The following PLB1 variants were observed in gnomAD, a reference collection of about 807,000 sequenced individuals.
The protein encoded by PLB1 is phospholipase B1, membrane-associated.
PLB1 carries 242 observed loss-of-function variants against 227.4 expected under a neutral mutation model. The observed-to-expected ratio is 1.06, with a 90% CI of 0.96 to 1.18. PLB1 has a LOEUF of 1.18. Among genes scored for constraint, PLB1 ranks in the 50% most tolerant of loss-of-function variants. The pLI is 0.00. For synonymous variants in PLB1, 757 were observed against 682.2 expected, an observed-to-expected ratio of 1.11 and a Z score of -1.71; for missense variants, 1,858 against 1,816.3, an observed-to-expected ratio of 1.02 and a Z score of -0.42.
Position 28,589,783 on chromosome 2 carries a change from G to T in PLB1, c.2016+13G>T, listed in dbSNP as rs779523724. 3 of 1,608,414 alleles carry T rather than the reference G, an allele frequency of 1.9e-6. No homozygotes were observed. The highest frequency in any genetic ancestry group is 1.7e-5 in the Admixed American group (1 of 60,016). The stretch of plus-strand genomic sequence containing the variant: ...CTGGAACAATATGGTAAGTGGCTGC[G>T]GTAGGAAAATGCATCCTCCCTCTGG... On this transcript the variant is annotated intron_variant, in intron 28 of 57. Coordinates refer to ENST00000327757, the MANE Select transcript of PLB1 (RefSeq NM_153021.5).
At chr2:28,628,471 A>C in intron 51 of PLB1, 92 bp from the exon 52 acceptor site, 2 of 1,177,420 alleles carry the variant, frequency 1.7e-6, no homozygotes. Context: ...CCACTCAGTC[A>C]TTTAGCCCAG....
intron 57 of PLB1, 144 bp downstream of exon 57, chr2:28,641,145 C>T (rs1689930399): frequency 2.7e-6 from 2 of 752,004 alleles, no homozygotes; most frequent in South Asian, 4.0e-5. Context: ...CCCACCTGTC[C>T]CCAGTGCCAC....
chr2:28,525,296 G>A lies in PLB1; in HGVS notation c.273G>A (p.Glu91=). 6.2e-7 allele frequency: 1 copy of A among 1,613,752 alleles called. No homozygotes were observed. Among genetic ancestry groups the A allele is most frequent in the Non-Finnish European group, 8.5e-7 (1 of 1,179,944 alleles). ...IPPDPGTGDL[E]KQDWTERPQQ... ...CAGACCCAGGGACGGGCGATCTGGA[G>A]AAGCAAGACTGGTAACTATCCTGAA... is the stretch of plus-strand genomic sequence containing the variant. The change falls in exon 5 of 58, where the codon GAG becomes GAA. Residue 91 remains glutamate, a synonymous_variant. Transcript: ENST00000327757.
At chr2:28,588,546 T>C (rs1411040804) in intron 26 of PLB1, among the ~76,000 whole-genome samples, 2 of 152,132 alleles carry the variant, frequency 1.3e-5, no homozygotes, top group African/African-American at 4.8e-5. Context: ...TATGTAAGCC[T>C]GACTTCCCTC....
intron 30 of PLB1, among the ~76,000 whole-genome samples, chr2:28,591,373 A>C (rs1339131444): frequency 2.0e-5 from 3 of 152,228 alleles, no homozygotes. Flanking sequence ...CAACCCAATC[A>C]CAGCTTCACT....
At chr2:28,640,311 CTCA>C (rs928435483) in intron 56 of PLB1, among the ~76,000 whole-genome samples, 8 of 152,260 alleles carry the variant, frequency 5.3e-5, no homozygotes, top group African/African-American at 1.7e-4. Context: ...CAGCTCCCAG[CTCA>C]TCCTCAGAGG....
chr2:28,537,181 C>A (rs940307961), intron 9 of PLB1, among the ~76,000 whole-genome samples: 4 of 152,126 alleles, frequency 2.6e-5, no homozygotes, highest in Non-Finnish European at 5.9e-5. Flanking sequence ...GGCAGAGAAA[C>A]AGGGACACTG....
intron 43 of PLB1, among the ~76,000 whole-genome samples, chr2:28,608,806 T>C (rs1685045028): frequency 1.3e-5 from 2 of 152,136 alleles, no homozygotes; most frequent in Non-Finnish European, 1.5e-5. Context: ...ATCGCCTTGA[T>C]TTTTCTGGTC....
chr2:28,556,881 T>A (rs552661844), intron 17 of PLB1, among the ~76,000 whole-genome samples: 1 of 152,352 alleles, frequency 6.6e-6, no homozygotes, highest in South Asian at 2.1e-4. Context: ...GTCCCTGATG[T>A]CATTGATTTG....
At chr2:28,527,334 CCAGCA>C (rs946452266) in intron 6 of PLB1, among the ~76,000 whole-genome samples, 1 of 152,168 alleles carries the variant, frequency 6.6e-6, no homozygotes, top group African/African-American at 2.4e-5. Flanking sequence ...AGGCCTTACT[CCAGCA>C]TACCCAATGG....
rs1377777946 is a variant in PLB1, at chr2:28,549,873, A to G, written c.1009-137A>G. ...TTCAGGGACCAGAGAGAAGAGCCAG[A>G]GAATGGTTTGGTCCTCACTGGAAGC... On this transcript the variant is annotated intron_variant, in intron 15 of 57. Transcript: ENST00000327757. The G allele has an allele frequency of 1.4e-5, 9 of 621,142 alleles. No individual in the cohort carries two copies. The East Asian group carries it at 2.6e-4, about 18-fold the overall frequency. 38.5% of individuals were successfully genotyped at this position (621,142 alleles called of 1,614,324 possible). A position where few individuals can be genotyped will look rare whatever the true frequency, so the allele number is the denominator to read the frequency against.
At position 28,590,040 on chromosome 2, in the gene PLB1, G is replaced by GT. The variant is rs759020173; in HGVS notation, c.2055dup (p.Glu686Ter). 56 of 1,613,738 alleles carry GT rather than the reference G, an allele frequency of 3.5e-5. No individual in the cohort carries two copies. Among genetic ancestry groups the GT allele is most frequent in the Non-Finnish European group, 4.7e-5 (56 of 1,179,806 alleles). On this transcript the variant is annotated frameshift_variant, in exon 29 of 58. Transcript: ENST00000327757. LOFTEE classifies it high-confidence loss of function. ...TTGGCCAGAAGACGACTCGTCATAA[G>GT]TTTGAAAACAAGATCAATATCACAT...
intron 1 of PLB1, among the ~76,000 whole-genome samples, chr2:28,508,213 C>T (rs1471624607): frequency 1.3e-5 from 2 of 152,144 alleles, no homozygotes; most frequent in Non-Finnish European, 2.9e-5. Context: ...TTATACCTTG[C>T]TGAATAGCCT....
chr2:28,595,675 C>T (rs1019569579), intron 33 of PLB1: 1 of 152,038 alleles, frequency 6.6e-6, no homozygotes, highest in Non-Finnish European at 1.5e-5. Flanking sequence ...GTAGACTTAT[C>T]TGAGAAAAGC....
chr2:28,618,458 G>A (rs1472019029), intron 46 of PLB1, 59 bp downstream of exon 46: 1 of 1,541,368 alleles, frequency 6.5e-7, no homozygotes, highest in African/African-American at 1.4e-5. Flanking sequence ...GCCCTGCGCA[G>A]AATCTGTGCT....
intron 53 of PLB1, 104 bp from the exon 54 acceptor site, chr2:28,630,482 G>A (rs1040449234): frequency 5.5e-6 from 5 of 912,732 alleles, no homozygotes; most frequent in African/African-American, 1.7e-5. Flanking sequence ...ACAGGCTGCA[G>A]GCCCCTGGGG....
rs1460924974 is a variant in PLB1 at position 28,633,058 on chromosome 2, GGTGGGCCTT to G, written c.4098+22_4098+30del. On this transcript the variant is annotated intron_variant, in intron 56 of 57. Transcript: ENST00000327757. ...CAACATGGTGAGCAGCCAAGGGCCT[GGTGGGCCTT>G]GTCAAGGGGGGATCTAAGGATATTG... The G allele has an allele frequency of 1.3e-6, 2 of 1,599,970 alleles. No homozygotes were observed. Among genetic ancestry groups the G allele is most frequent in the East Asian group, 4.5e-5 (2 of 44,808 alleles).
chr2:28,502,910 T>G (rs1392785603), intron 1 of PLB1, among the ~76,000 whole-genome samples: 1 of 152,186 alleles, frequency 6.6e-6, no homozygotes, highest in Non-Finnish European at 1.5e-5. Flanking sequence ...CTTTAGCACT[T>G]ATAGAATTAG....
At chr2:28,565,560 CA>C (rs199900177) in intron 19 of PLB1, among the ~76,000 whole-genome samples, 1 of 83,238 alleles carries the variant, frequency 1.2e-5, no homozygotes, top group Non-Finnish European at 3.4e-5. Flanking sequence ...AGCCTTGAGC[CA>C]GGAATCCAGG....
Sources: gnomAD v4.1 joint callset for allele counts (sites outside exome capture counted in the v4.1 genomes callset) on GRCh38, gnomAD v4.1.1 for gene constraint, MANE v1.5 for transcripts, NCBI Gene and HGNC (gene_info 2026-07-23, HGNC 2026-07-21) for gene names.